FHIT: variants seen among roughly 807,000 people sequenced by gnomAD.
FHIT encodes the protein bis(5'-adenosyl)-triphosphatase.
FHIT carries 19 observed loss-of-function variants against 17.9 expected under a neutral mutation model. That is an observed-to-expected ratio of 1.06 (90% CI 0.74 to 1.56). The LOEUF (loss-of-function observed/expected upper bound fraction) is 1.56, where lower values mean the gene tolerates loss of function less well. Ranked by LOEUF, FHIT falls within the 40% of genes most tolerant of loss-of-function variation. FHIT has a pLI of 0.00. For synonymous variants in FHIT, 81 were observed against 69.7 expected (o/e 1.16, Z -0.81); for missense variants, 248 against 189.2 (o/e 1.31, Z -1.82).
At chr3:59,990,700 T>G (rs1709188252) in intron 7 of FHIT, among the ~76,000 whole-genome samples, 1 of 151,838 alleles carries the variant, frequency 6.6e-6, no homozygotes, top group Admixed American at 6.6e-5. Flanking sequence ...AAGAACTAGG[T>G]TGGTGTGATG....
Position 60,537,484 on chromosome 3 carries a change from G to A in FHIT, c.-17-505C>T, listed in dbSNP as rs1017458467. 23 of 982,216 alleles carry A rather than the reference G, an allele frequency of 2.3e-5. No individual in the cohort carries two copies. In the African/African-American group the frequency reaches 4.0e-4, roughly 17 times the overall value. The allele number at this position is 982,216 out of a possible 1,614,324, so 60.8% of individuals were successfully genotyped here. On this transcript the variant is annotated intron_variant, in intron 4 of 9. Transcript: ENST00000492590. ...CTTGCCTACAATTACAAAAACATGA[G>A]CACTTCCAGAGAACTATTCTAGTAA...
chr3:60,751,335 T>C (rs1389403387), intron 4 of FHIT, among the ~76,000 whole-genome samples: 2 of 152,254 alleles, frequency 1.3e-5, no homozygotes, highest in African/African-American at 4.8e-5. Context: ...AAATTATTTT[T>C]CTCACTTTAA....
chr3:61,115,055 T>C (rs925544427), intron 2 of FHIT, among the ~76,000 whole-genome samples: 1 of 152,136 alleles, frequency 6.6e-6, no homozygotes, highest in Admixed American at 6.6e-5. Flanking sequence ...TCCCTTTCCA[T>C]CCGGAACAGA....
chr3:59,983,097 C>T (rs148763111), intron 7 of FHIT, among the ~76,000 whole-genome samples: 1 of 151,950 alleles, frequency 6.6e-6, no homozygotes, highest in South Asian at 2.1e-4. Context: ...TGCCACCATG[C>T]CCAGCTAATA....
intron 8 of FHIT, among the ~76,000 whole-genome samples, chr3:59,757,315 G>T (rs934972142): frequency 6.6e-6 from 1 of 152,190 alleles, no homozygotes; most frequent in African/African-American, 2.4e-5. Flanking sequence ...GCTTTGAAAA[G>T]AGATTTAAAA....
At chr3:60,616,267 A>T (rs1553675877) in intron 4 of FHIT, among the ~76,000 whole-genome samples, 1 of 152,238 alleles carries the variant, frequency 6.6e-6, no homozygotes, top group Non-Finnish European at 1.5e-5. Flanking sequence ...TTAATTTATT[A>T]TACAAATCTT....
intron 4 of FHIT, among the ~76,000 whole-genome samples, chr3:60,552,610 GCCCTTACTCCAGCCTGTTCATTGC>G (rs2036597723): frequency 6.6e-6 from 1 of 152,108 alleles, no homozygotes; most frequent in South Asian, 2.1e-4. Flanking sequence ...AGGCCAAGAA[GCCCTTACTCCAGCCTGTTCATTGC>G]CAACTTGGTA....
chr3:60,084,565 T>G (rs560028699), intron 5 of FHIT, among the ~76,000 whole-genome samples: 2 of 152,308 alleles, frequency 1.3e-5, no homozygotes, highest in East Asian at 3.9e-4. Context: ...ATCACATTTC[T>G]TTATTAATAT....
At chr3:60,751,656 C>T (rs2042469015) in intron 4 of FHIT, among the ~76,000 whole-genome samples, 1 of 152,054 alleles carries the variant, frequency 6.6e-6, no homozygotes, top group East Asian at 1.9e-4. Flanking sequence ...ATTGGAGATG[C>T]TCATACACAG....
At chr3:60,064,534 T>C (rs1172044573) in intron 5 of FHIT, among the ~76,000 whole-genome samples, 1 of 152,140 alleles carries the variant, frequency 6.6e-6, no homozygotes, top group Admixed American at 6.5e-5. Context: ...ACACCCTGAA[T>C]GATGAGGGAC....
chr3:60,811,961 T>G (rs1333597333), intron 4 of FHIT, among the ~76,000 whole-genome samples: 1 of 152,134 alleles, frequency 6.6e-6, no homozygotes, highest in African/African-American at 2.4e-5. Flanking sequence ...TTCTACTAAT[T>G]ACAAGTAAAA....
At chr3:60,789,441 C>A (rs1303513713) in intron 4 of FHIT, among the ~76,000 whole-genome samples, 1 of 152,242 alleles carries the variant, frequency 6.6e-6, no homozygotes, top group South Asian at 2.1e-4. Context: ...TCACTTGAAC[C>A]CAGGAGACAG....
intron 4 of FHIT, among the ~76,000 whole-genome samples, chr3:60,734,353 G>C (rs1456363332): frequency 2.0e-5 from 3 of 152,190 alleles, no homozygotes; most frequent in African/African-American, 7.2e-5. Flanking sequence ...TCAAAAGCCA[G>C]AGAACAACAT....
chr3:60,523,109 A>G (rs1018809640), intron 5 of FHIT, among the ~76,000 whole-genome samples: 1 of 152,180 alleles, frequency 6.6e-6, no homozygotes, highest in African/African-American at 2.4e-5. Context: ...TATGGGGGAA[A>G]CCATCCCTGT....
intron 1 of FHIT, among the ~76,000 whole-genome samples, chr3:61,209,203 C>A (rs906647481): frequency 6.6e-6 from 1 of 152,204 alleles, no homozygotes; most frequent in Non-Finnish European, 1.5e-5. Flanking sequence ...GTCTGATGGG[C>A]TTCCCTTTGT....
chr3:60,033,759 T>G (rs1701098553), intron 5 of FHIT, among the ~76,000 whole-genome samples: 1 of 152,182 alleles, frequency 6.6e-6, no homozygotes, highest in Non-Finnish European at 1.5e-5. Context: ...TTTTTCTGAG[T>G]ATGTCTGAAA....
chr3:60,665,603 A>T (rs1735472), intron 4 of FHIT, among the ~76,000 whole-genome samples: 107,873 of 151,544 alleles, frequency 0.71, 39,778 homozygotes, highest in East Asian at 0.84. Context: ...CTGTTTTTTT[A>T]AAAATTAATA....
At chr3:60,727,258 A>T (rs1457131376) in intron 4 of FHIT, among the ~76,000 whole-genome samples, 8 of 152,202 alleles carry the variant, frequency 5.3e-5, no homozygotes, top group Non-Finnish European at 8.8e-5. Flanking sequence ...CAGTATCAGA[A>T]ATGTTCCAAG....
At chr3:59,776,844 C>T (rs1702345781) in intron 8 of FHIT, among the ~76,000 whole-genome samples, 1 of 152,172 alleles carries the variant, frequency 6.6e-6, no homozygotes, top group Admixed American at 6.5e-5. Flanking sequence ...GAAATTAAGG[C>T]ACAAACAGGT....
Sources: gnomAD v4.1 joint callset for allele counts (sites outside exome capture counted in the v4.1 genomes callset) on GRCh38, gnomAD v4.1.1 for gene constraint, MANE v1.5 for transcripts, NCBI Gene and HGNC (gene_info 2026-07-23, HGNC 2026-07-21) for gene names.